Variants in PPM1E observed in about 807,000 individuals in gnomAD.
The protein encoded by PPM1E is protein phosphatase 1E.
PPM1E carries 20 observed loss-of-function variants against 65.9 expected under a neutral mutation model. The observed-to-expected ratio is 0.30, with a 90% CI of 0.21 to 0.44. The LOEUF (loss-of-function observed/expected upper bound fraction) is 0.44, where lower values mean the gene tolerates loss of function less well. Among genes scored for constraint, PPM1E ranks in the 20% least tolerant of loss-of-function variants. The pLI is 1.00. For missense variants in PPM1E, 713 were observed against 953.1 expected (o/e 0.75, Z 3.32); for synonymous variants, 352 against 374.9 (o/e 0.94, Z 0.70).
intron 1 of PPM1E, chr17:58,899,462 T>C (rs1027649646): frequency 8.9e-6 from 2 of 224,054 alleles, no homozygotes; most frequent in African/African-American, 2.3e-5. Flanking sequence ...CTTGCATCCA[T>C]GTGTGATGAG....
chr17:58,849,516 C>T (rs1470258341), intron 1 of PPM1E, among the ~76,000 whole-genome samples: 1 of 152,188 alleles, frequency 6.6e-6, no homozygotes, highest in African/African-American at 2.4e-5. Context: ...TTTCTGCCTT[C>T]ATTTCATTAT....
At chr17:58,966,170 T>C (rs1390110788) in intron 3 of PPM1E, 1 of 457,326 alleles carries the variant, frequency 2.2e-6, no homozygotes, top group Non-Finnish European at 4.0e-6. Context: ...GGAGGCAAGG[T>C]AGTCTTTTGT....
chr17:58,772,666 TG>T, intron 1 of PPM1E, among the ~76,000 whole-genome samples: 1 of 152,258 alleles, frequency 6.6e-6, no homozygotes. Flanking sequence ...ATAGCACATT[TG>T]GTACTTGTCT....
intron 1 of PPM1E, among the ~76,000 whole-genome samples, chr17:58,792,834 A>G (rs895809724): frequency 2.5e-4 from 34 of 135,078 alleles, no homozygotes; most frequent in African/African-American, 8.3e-4. Context: ...GCTCACTGCA[A>G]CCTCCGCCTC....
At chr17:58,872,619 G>C (rs2051083830) in intron 1 of PPM1E, among the ~76,000 whole-genome samples, 1 of 152,134 alleles carries the variant, frequency 6.6e-6, no homozygotes, top group South Asian at 2.1e-4. Flanking sequence ...TTTGTGGGCT[G>C]GTTGCTGAAG....
At chr17:58,831,349 C>G (rs2050603862) in intron 1 of PPM1E, among the ~76,000 whole-genome samples, 1 of 152,182 alleles carries the variant, frequency 6.6e-6, no homozygotes, top group African/African-American at 2.4e-5. Flanking sequence ...CTTTAGCCAG[C>G]ATTTTGGGAA....
chr17:58,928,370 T>C (rs1369038112), intron 1 of PPM1E, among the ~76,000 whole-genome samples: 1 of 151,898 alleles, frequency 6.6e-6, no homozygotes, highest in Non-Finnish European at 1.5e-5. Context: ...AATTATTATA[T>C]CTATTATATA....
chr17:58,884,111 A>G (rs1427450822), intron 1 of PPM1E, among the ~76,000 whole-genome samples: 1 of 152,186 alleles, frequency 6.6e-6, no homozygotes, highest in Non-Finnish European at 1.5e-5. Context: ...TCTCCAGAGA[A>G]TAAGCTGCAG....
intron 1 of PPM1E, among the ~76,000 whole-genome samples, chr17:58,799,711 T>C (rs2143046142): frequency 6.6e-6 from 1 of 152,332 alleles, no homozygotes; most frequent in African/African-American, 2.4e-5. Context: ...CCCAAAGTGC[T>C]GGGATTACAG....
At chr17:58,918,991 T>A (rs2051718698) in intron 1 of PPM1E, among the ~76,000 whole-genome samples, 1 of 152,164 alleles carries the variant, frequency 6.6e-6, no homozygotes, top group Non-Finnish European at 1.5e-5. Context: ...TTTATCTACA[T>A]AAGCTGGGAT....
intron 1 of PPM1E, among the ~76,000 whole-genome samples, chr17:58,830,292 G>GTTA (rs376605107): frequency 0.16 from 22,760 of 146,706 alleles, 2,466 homozygotes; most frequent in African/African-American, 0.3. Flanking sequence ...TGTTGTTGTT[G>GTTA]TTATTATTAT....
chr17:58,816,774 ATATATATATATATATATATAT>A (rs1365943845), intron 1 of PPM1E, among the ~76,000 whole-genome samples: 194 of 13,844 alleles, frequency 0.014, 8 homozygotes, highest in African/African-American at 0.036. Flanking sequence ...ATATATATAT[ATATATATATATATATATATAT>A]TTTTTTTTTT....
At chr17:58,849,751 G>C (rs983757162) in intron 1 of PPM1E, among the ~76,000 whole-genome samples, 1 of 152,182 alleles carries the variant, frequency 6.6e-6, no homozygotes. Flanking sequence ...ATATTCTGTT[G>C]ATTTGGGGTG....
intron 1 of PPM1E, among the ~76,000 whole-genome samples, chr17:58,893,492 C>T (rs2051373692): frequency 6.6e-6 from 1 of 152,052 alleles, no homozygotes; most frequent in Non-Finnish European, 1.5e-5. Context: ...ATTTTTAGGG[C>T]ATTGAAGCTA....
intron 1 of PPM1E, among the ~76,000 whole-genome samples, chr17:58,849,160 C>G (rs2050800474): frequency 6.6e-6 from 1 of 152,032 alleles, no homozygotes; most frequent in African/African-American, 2.4e-5. Flanking sequence ...TGATTCTTCT[C>G]TCTTTTCTTC....
intron 2 of PPM1E, among the ~76,000 whole-genome samples, 188 bp downstream of exon 2, chr17:58,955,955 AATAC>A (rs1399166601): frequency 6.6e-6 from 1 of 152,174 alleles, no homozygotes; most frequent in Admixed American, 6.6e-5. Context: ...AGAAGAGAAA[AATAC>A]ATGTGTATTT....
chr17:58,904,887 G>T (rs1346179200), intron 1 of PPM1E, among the ~76,000 whole-genome samples: 1 of 151,938 alleles, frequency 6.6e-6, no homozygotes, highest in Non-Finnish European at 1.5e-5. Flanking sequence ...GCCGGATGTG[G>T]TGGTGTATGC....
chr17:58,979,942 C>T, intron 6 of PPM1E, 32 bp from the exon 7 acceptor site: 1 of 1,544,864 alleles, frequency 6.5e-7, no homozygotes, highest in Non-Finnish European at 8.8e-7. Flanking sequence ...AAAACAAATG[C>T]TAATGATGCC....
intron 1 of PPM1E, among the ~76,000 whole-genome samples, chr17:58,953,774 T>TTTC (rs2052274171): frequency 6.7e-6 from 1 of 150,314 alleles, no homozygotes. Context: ...GAGACAGAGT[T>TTTC]TTCACTCTTG....
Sources: allele counts gnomAD v4.1 joint callset (sites outside exome capture counted in the v4.1 genomes callset), GRCh38; gene constraint gnomAD v4.1.1; transcripts MANE v1.5; gene names NCBI Gene and HGNC (gene_info 2026-07-23, HGNC 2026-07-21).